The following SCN2A variants were observed in gnomAD, a reference collection of about 807,000 sequenced individuals.
SCN2A encodes sodium channel protein type 2 subunit alpha.
Under a neutral mutation model 188.7 loss-of-function variants are expected in SCN2A, and 20 were observed. That is an observed-to-expected ratio of 0.11 (90% CI 0.07 to 0.15). The LOEUF (loss-of-function observed/expected upper bound fraction) is 0.15, where lower values mean the gene tolerates loss of function less well. Ranked by LOEUF, SCN2A falls within the 10% of genes least tolerant of loss-of-function variation. The pLI is 1.00. For synonymous variants in SCN2A, 804 were observed against 833.1 expected (o/e 0.97, Z 0.60); for missense variants, 1,278 against 2,445.0 (o/e 0.52, Z 10.07).
At chr2:165,336,288 A>T (rs1345549072) in intron 14 of SCN2A, among the ~76,000 whole-genome samples, 2 of 151,964 alleles carry the variant, frequency 1.3e-5, no homozygotes, top group African/African-American at 4.8e-5. Context: ...ACATATTTCA[A>T]CATGAATGCT....
At position 165,381,078 on chromosome 2, in the gene SCN2A, C is replaced by T; in HGVS notation, c.4447-15C>T. On this transcript the variant is annotated splice_polypyrimidine_tract_variant and intron_variant, in intron 24 of 26. Transcript: ENST00000375437. ...AAGAACACAATTTTAACAAGTGTTG[C>T]TTTCATTTCTTTACTTTGGAGGTCA... 3 of 1,514,902 alleles carry T rather than the reference C, an allele frequency of 2.0e-6. No individual in the cohort carries two copies. Among genetic ancestry groups the T allele is most frequent in the Non-Finnish European group, 2.7e-6 (3 of 1,105,940 alleles). The allele number at this position is 1,514,902 out of a possible 1,614,324, so 93.8% of individuals were successfully genotyped here.
chr2:165,240,694 T>TGTGTGTGTGTGTGTGA (rs755090637), intron 1 of SCN2A, among the ~76,000 whole-genome samples: 15 of 150,622 alleles, frequency 1.0e-4, no homozygotes, highest in African/African-American at 3.7e-4. Flanking sequence ...TGTGTGTGTG[T>TGTGTGTGTGTGTGTGA]GATGGTGGAG....
At chr2:165,252,939 T>A (rs72872422) in intron 1 of SCN2A, among the ~76,000 whole-genome samples, 6,450 of 152,088 alleles carry the variant, frequency 0.042, 206 homozygotes, top group East Asian at 0.13. Flanking sequence ...AACCAAAATT[T>A]GGTTAATAGG....
At chr2:165,364,407 T>A (rs955100953) in intron 17 of SCN2A, among the ~76,000 whole-genome samples, 1 of 152,210 alleles carries the variant, frequency 6.6e-6, no homozygotes, top group Non-Finnish European at 1.5e-5. Flanking sequence ...ATTTTTCTTT[T>A]GGTGATATTT....
intron 3 of SCN2A, among the ~76,000 whole-genome samples, chr2:165,300,519 G>A (rs1470104450): frequency 6.6e-6 from 1 of 152,130 alleles, no homozygotes; most frequent in East Asian, 1.9e-4. Flanking sequence ...AATCCTTTCT[G>A]AAAAGGTACC....
At chr2:165,291,546 TTCC>T in intron 1 of SCN2A, among the ~76,000 whole-genome samples, 1 of 115,426 alleles carries the variant, frequency 8.7e-6, no homozygotes, top group Admixed American at 9.9e-5. Context: ...CCTTCCTTCC[TTCC>T]TTCCTTCCTT....
chr2:165,351,253 G>A (rs1207575510), intron 16 of SCN2A, among the ~76,000 whole-genome samples: 2 of 151,874 alleles, frequency 1.3e-5, no homozygotes, highest in East Asian at 3.9e-4. Context: ...TAATAAACGC[G>A]GTTTCAAAAC....
intron 20 of SCN2A, 22 bp downstream of exon 20, chr2:165,370,321 G>A (rs1451403505): frequency 6.2e-7 from 1 of 1,613,340 alleles, no homozygotes; most frequent in Admixed American, 1.7e-5. Flanking sequence ...GCACTTTGCT[G>A]CTTTATTCAT....
At chr2:165,260,965 C>T (rs563653933) in intron 1 of SCN2A, among the ~76,000 whole-genome samples, 74 of 86,952 alleles carry the variant, frequency 8.5e-4, no homozygotes, top group African/African-American at 4.1e-3. Context: ...AGTGAAACTC[C>T]GTCTCAAAAA....
At chr2:165,264,039 T>C (rs1694729164) in intron 1 of SCN2A, among the ~76,000 whole-genome samples, 1 of 152,112 alleles carries the variant, frequency 6.6e-6, no homozygotes, top group Non-Finnish European at 1.5e-5. Context: ...CAGGAGCTTT[T>C]TGAATAAGTG....
intron 1 of SCN2A, among the ~76,000 whole-genome samples, chr2:165,286,902 T>A (rs1695861211): frequency 6.6e-6 from 1 of 152,152 alleles, no homozygotes; most frequent in South Asian, 2.1e-4. Flanking sequence ...CTCACATCTC[T>A]GAGATTTGAA....
intron 1 of SCN2A, among the ~76,000 whole-genome samples, chr2:165,247,705 C>A (rs930448889): frequency 5.3e-5 from 8 of 152,274 alleles, no homozygotes; most frequent in African/African-American, 1.4e-4. Context: ...TATCTACTTT[C>A]TTTTGATCCC....
intron 23 of SCN2A, among the ~76,000 whole-genome samples, chr2:165,379,452 G>T (rs969800865): frequency 6.6e-6 from 1 of 151,760 alleles, no homozygotes; most frequent in Non-Finnish European, 1.5e-5. Context: ...TCAGGATAAT[G>T]ATTACCTCCA....
rs771160474 is a variant in SCN2A at position 165,387,012 on chromosome 2, T to C, written c.4818T>C (p.Ile1606=). 8 of 1,613,496 alleles carry C rather than the reference T, an allele frequency of 5.0e-6. No individual in the cohort carries two copies. The highest frequency in any genetic ancestry group is 3.4e-6 in the Non-Finnish European group (4 of 1,179,680). ...IFDFVVVILS[I]VGMFLAELIE... ...ATTTTGTGGTGGTCATTCTCTCCATTGTAGGTAAGAAGAGGTGCTTTTATT... is the reference window on the plus strand; with the variant it reads ...ATTTTGTGGTGGTCATTCTCTCCATCGTAGGTAAGAAGAGGTGCTTTTATT... The change falls in exon 26 of 27, where the codon ATT becomes ATC. Residue 1606 remains isoleucine (I), a synonymous_variant. Coordinates refer to ENST00000375437, the MANE Select transcript of SCN2A (RefSeq NM_001040142.2).
rs553722389 is a variant in SCN2A, at chr2:165,250,749, A to T, written c.-52+11109A>T. Among the ~76,000 whole-genome samples, 3 of 152,234 alleles carry T rather than the reference A, an allele frequency of 2.0e-5. No individual in the cohort carries two copies. In the East Asian group the frequency reaches 5.8e-4, roughly 29 times the overall value. ...TGACCTGGCTGCTATAGGAAAGGAT[A>T]AAATGTAGGTTGCAGTGATCTTCTG... On this transcript the variant is annotated intron_variant, in intron 1 of 26. Transcript: ENST00000375437.
chr2:165,248,649 T>G (rs1452376709), intron 1 of SCN2A, among the ~76,000 whole-genome samples: 1 of 152,146 alleles, frequency 6.6e-6, no homozygotes, highest in African/African-American at 2.4e-5. Flanking sequence ...TCCTTTCTTT[T>G]ATTTCCTTCC....
intron 12 of SCN2A, among the ~76,000 whole-genome samples, chr2:165,324,044 A>C (rs2105278559): frequency 6.6e-6 from 1 of 152,320 alleles, no homozygotes; most frequent in East Asian, 1.9e-4. Flanking sequence ...AGAGCCATTC[A>C]AAAAGTACCT....
intron 1 of SCN2A, among the ~76,000 whole-genome samples, chr2:165,255,013 TC>T (rs1694255630): frequency 6.6e-6 from 1 of 152,010 alleles, no homozygotes; most frequent in African/African-American, 2.4e-5. Flanking sequence ...GGCAATCTGT[TC>T]TATGCTTCTT....
At chr2:165,355,891 C>T (rs963484872) in intron 17 of SCN2A, among the ~76,000 whole-genome samples, 2 of 151,160 alleles carry the variant, frequency 1.3e-5, no homozygotes, top group Non-Finnish European at 1.5e-5. Flanking sequence ...CCCAGCTACT[C>T]GGGAGGCTGA....
Sources: gnomAD v4.1 joint callset for allele counts (sites outside exome capture counted in the v4.1 genomes callset) on GRCh38, gnomAD v4.1.1 for gene constraint, MANE v1.5 for transcripts, NCBI Gene and HGNC (gene_info 2026-07-23, HGNC 2026-07-21) for gene names.